The following APBB1IP variants were observed in gnomAD, a reference collection of about 807,000 sequenced individuals.
The protein encoded by APBB1IP is amyloid beta precursor protein binding family B member 1 interacting protein.
Under a neutral mutation model 64.9 loss-of-function variants are expected in APBB1IP, and 27 were observed. The ratio of observed to expected loss-of-function variants is 0.42; its 90% CI spans 0.31 to 0.57. APBB1IP has a LOEUF of 0.57. Ranked by LOEUF, APBB1IP falls within the 20% of genes least tolerant of loss-of-function variation. The probability of loss-of-function intolerance (pLI) is 0.20; values close to 1 mark genes in which losing one functional copy is unlikely to be tolerated. For synonymous variants in APBB1IP, 392 were observed against 331.0 expected (o/e 1.18, Z -2.00); for missense variants, 812 against 845.5 (o/e 0.96, Z 0.49).
intron 8 of APBB1IP, among the ~76,000 whole-genome samples, chr10:26,526,276 C>T (rs1275590320): frequency 1.3e-5 from 2 of 152,118 alleles, no homozygotes; most frequent in African/African-American, 2.4e-5. Flanking sequence ...TAAGGCACAA[C>T]CTTACATAAG....
At chr10:26,540,577 G>A (rs528816229) in intron 10 of APBB1IP, among the ~76,000 whole-genome samples, 1 of 152,150 alleles carries the variant, frequency 6.6e-6, no homozygotes, top group Non-Finnish European at 1.5e-5. Context: ...TGAACATCCA[G>A]AAGAAAATAT....
chr10:26,555,633 C>T (rs749343857), intron 11 of APBB1IP, among the ~76,000 whole-genome samples: 2 of 152,128 alleles, frequency 1.3e-5, no homozygotes, highest in Non-Finnish European at 2.9e-5. Context: ...GGTAGGGTCT[C>T]CTCCAGCCCA....
chr10:26,511,979 A>G (rs527856393), intron 7 of APBB1IP, 73 bp downstream of exon 7: 4 of 1,503,682 alleles, frequency 2.7e-6, no homozygotes, highest in Non-Finnish European at 2.7e-6. Context: ...GCTTGGGTTT[A>G]TTCTTTTTTT....
In APBB1IP at chr10:26,567,300, CCGCCCG is replaced by C. The variant is rs778555433; in HGVS notation, c.1827_1832del (p.Ala611_Pro612del). ...AGAGCTGCCCCCGCCGCCGCCGCCG[CCGCCCG>C]CGCCCGCGCCCGCCCCCGTCCCCGA... On this transcript the variant is annotated inframe_deletion, in exon 15 of 15. Coordinates refer to ENST00000376236, the MANE Select transcript of APBB1IP (RefSeq NM_019043.4). 56 of 1,076,936 alleles carry C rather than the reference CCGCCCG, an allele frequency of 5.2e-5. No homozygotes were observed. Among genetic ancestry groups the C allele is most frequent in the East Asian group, 3.8e-4 (6 of 15,632 alleles). The allele number at this position is 1,076,936 out of a possible 1,614,324, so 66.7% of individuals were successfully genotyped here.
At chr10:26,546,867 G>GGT (rs1220773113) in intron 11 of APBB1IP, among the ~76,000 whole-genome samples, 1 of 152,144 alleles carries the variant, frequency 6.6e-6, no homozygotes, top group Non-Finnish European at 1.5e-5. Flanking sequence ...TGAGAGGGCA[G>GGT]GTGTCTCTTT....
At chr10:26,453,372 G>T (rs924249657) in intron 2 of APBB1IP, among the ~76,000 whole-genome samples, 1 of 152,186 alleles carries the variant, frequency 6.6e-6, no homozygotes, top group Non-Finnish European at 1.5e-5. Context: ...ATGGACTGTG[G>T]ATGAGCCCAT....
chr10:26,456,251 G>A (rs1835523978), intron 2 of APBB1IP, among the ~76,000 whole-genome samples: 2 of 152,176 alleles, frequency 1.3e-5, no homozygotes, highest in African/African-American at 4.8e-5. Context: ...TGCATGCAAG[G>A]AGCTGCTCTA....
chr10:26,444,825 G>A (rs1416389012), intron 2 of APBB1IP, among the ~76,000 whole-genome samples: 3 of 152,130 alleles, frequency 2.0e-5, no homozygotes, highest in African/African-American at 4.8e-5. Flanking sequence ...CATAGGCTGC[G>A]TGGTGGCTCA....
At chr10:26,526,863 C>T (rs2132457815) in intron 8 of APBB1IP, among the ~76,000 whole-genome samples, 1 of 152,330 alleles carries the variant, frequency 6.6e-6, no homozygotes, top group South Asian at 2.1e-4. Context: ...AACTTTTATT[C>T]CACAGATTAT....
Position 26,488,096 on chromosome 10 carries a change from G to GT in APBB1IP, c.1-4225dup, listed in dbSNP as rs565270636. ...ACATGAGCAGTTCTGGAATTTTATT[G>GT]TTTTTTCCATTAATTTCCCCTTATT... On this transcript the variant is annotated intron_variant, in intron 2 of 14. Transcript: ENST00000376236. Among the ~76,000 whole-genome samples, 5 of 152,096 alleles carry GT rather than the reference G, an allele frequency of 3.3e-5. No homozygotes were observed. In the East Asian group the frequency reaches 7.7e-4, roughly 23 times the overall value.
At chr10:26,540,973 C>T (rs1327534298) in intron 10 of APBB1IP, among the ~76,000 whole-genome samples, 2 of 151,142 alleles carry the variant, frequency 1.3e-5, no homozygotes, top group Non-Finnish European at 2.9e-5. Context: ...AAATCCATCA[C>T]GGACTTAGAA....
chr10:26,463,674 C>A (rs746449265), intron 2 of APBB1IP, among the ~76,000 whole-genome samples: 4 of 152,116 alleles, frequency 2.6e-5, no homozygotes, highest in Non-Finnish European at 4.4e-5. Flanking sequence ...TGATTGTAGA[C>A]TGGGGGTGAT....
chr10:26,490,570 A>G (rs1047881512), intron 2 of APBB1IP, among the ~76,000 whole-genome samples: 1 of 152,210 alleles, frequency 6.6e-6, no homozygotes, highest in African/African-American at 2.4e-5. Flanking sequence ...AGTTGCAGTG[A>G]TGTGAGATTG....
intron 8 of APBB1IP, 67 bp downstream of exon 8, chr10:26,513,727 GTC>G: frequency 3.3e-6 from 5 of 1,501,872 alleles, no homozygotes; most frequent in Non-Finnish European, 4.4e-6. Flanking sequence ...TTGAGACGGA[GTC>G]TCAAAGGCTG....
At chr10:26,453,514 C>A (rs1454434749) in intron 2 of APBB1IP, among the ~76,000 whole-genome samples, 1 of 152,110 alleles carries the variant, frequency 6.6e-6, no homozygotes, top group African/African-American at 2.4e-5. Flanking sequence ...CTCCTCCATC[C>A]ACTCATTCAT....
At chr10:26,563,817 A>T (rs958385501) in intron 14 of APBB1IP, among the ~76,000 whole-genome samples, 1 of 152,074 alleles carries the variant, frequency 6.6e-6, no homozygotes, top group Non-Finnish European at 1.5e-5. Context: ...ACCACTGCAG[A>T]CCTTTAAACG....
chr10:26,482,058 T>C (rs1310244070), intron 2 of APBB1IP, among the ~76,000 whole-genome samples: 1 of 152,194 alleles, frequency 6.6e-6, no homozygotes, highest in East Asian at 1.9e-4. Context: ...ACCCTACCTA[T>C]GTATATACAC....
intron 2 of APBB1IP, among the ~76,000 whole-genome samples, chr10:26,488,655 A>G (rs1031620171): frequency 1.3e-5 from 2 of 152,204 alleles, no homozygotes; most frequent in Non-Finnish European, 2.9e-5. Flanking sequence ...GGCAGGGCCC[A>G]CCTGCAGCCA....
intron 10 of APBB1IP, among the ~76,000 whole-genome samples, chr10:26,539,168 T>C (rs1836665748): frequency 6.6e-6 from 1 of 152,178 alleles, no homozygotes; most frequent in African/African-American, 2.4e-5. Flanking sequence ...TCCAGAACTC[T>C]GGGAGGACCA....
Sources: gnomAD v4.1 joint callset for allele counts (sites outside exome capture counted in the v4.1 genomes callset) on GRCh38, gnomAD v4.1.1 for gene constraint, MANE v1.5 for transcripts, NCBI Gene and HGNC (gene_info 2026-07-23, HGNC 2026-07-21) for gene names.